HMCN1: variants seen among roughly 807,000 people sequenced by gnomAD.
HMCN1 encodes the protein hemicentin-1.
Under a neutral mutation model 625.9 loss-of-function variants are expected in HMCN1, and 321 were observed. That is an observed-to-expected ratio of 0.51 (90% CI 0.47 to 0.56). The LOEUF is 0.56. Ranked by LOEUF, HMCN1 falls within the 20% of genes least tolerant of loss-of-function variation. The pLI is 0.00. For missense variants in HMCN1, 6,588 were observed against 6,887.3 expected (o/e 0.96, Z 1.54); for synonymous variants, 2,425 against 2,417.6 (o/e 1.00, Z -0.09).
chr1:185,849,858 C>T (rs1662059011), intron 2 of HMCN1, among the ~76,000 whole-genome samples: 1 of 151,696 alleles, frequency 6.6e-6, no homozygotes, highest in Non-Finnish European at 1.5e-5. Flanking sequence ...TTTCCTTTCT[C>T]TTATACCACG....
At chr1:185,990,978 T>G (rs893467828) in intron 22 of HMCN1, among the ~76,000 whole-genome samples, 2 of 152,224 alleles carry the variant, frequency 1.3e-5, no homozygotes, top group Non-Finnish European at 2.9e-5. Context: ...TAAATTTCTC[T>G]CTTACACTTA....
chr1:185,876,758 C>CT (rs1397156580), intron 4 of HMCN1, among the ~76,000 whole-genome samples: 2 of 151,564 alleles, frequency 1.3e-5, no homozygotes, highest in African/African-American at 2.4e-5. Context: ...AATGTGCCCA[C>CT]TTTTTTTTCT....
At position 186,137,687 on chromosome 1, in the gene HMCN1, C is replaced by T; in HGVS notation, c.13753+19C>T. The T allele has an allele frequency of 6.2e-7, 1 of 1,614,018 alleles. No individual in the cohort carries two copies. The highest frequency in any genetic ancestry group is 8.5e-7 in the Non-Finnish European group (1 of 1,179,938). On this transcript the variant is annotated intron_variant, in intron 88 of 106. Coordinates refer to ENST00000271588, the MANE Select transcript of HMCN1 (RefSeq NM_031935.3). ...TGTCCAGGTACACCTCCTTATTTAA[C>T]TGATAGGCATGTGTTTAATAGACCT...
intron 97 of HMCN1, among the ~76,000 whole-genome samples, chr1:186,164,893 T>C (rs1449199089): frequency 6.6e-6 from 1 of 152,242 alleles, no homozygotes; most frequent in African/African-American, 2.4e-5. Flanking sequence ...CGAAACCTGT[T>C]TCCAGTGGCA....
intron 4 of HMCN1, among the ~76,000 whole-genome samples, chr1:185,898,568 G>A (rs1665625449): frequency 6.6e-6 from 1 of 152,044 alleles, no homozygotes; most frequent in Non-Finnish European, 1.5e-5. Flanking sequence ...GATGGTCAGG[G>A]TCTCAATGAA....
intron 81 of HMCN1, among the ~76,000 whole-genome samples, chr1:186,124,232 A>C (rs991855821): frequency 1.2e-4 from 18 of 152,226 alleles, no homozygotes; most frequent in African/African-American, 4.1e-4. Flanking sequence ...TTTGTAATGA[A>C]CTTTGAAAAC....
intron 1 of HMCN1, among the ~76,000 whole-genome samples, chr1:185,834,468 C>A (rs1661048127): frequency 6.6e-6 from 1 of 152,180 alleles, no homozygotes; most frequent in African/African-American, 2.4e-5. Context: ...TACATGTTGG[C>A]TGCCCTCAGT....
intron 11 of HMCN1, among the ~76,000 whole-genome samples, chr1:185,951,376 C>T (rs185921267): frequency 0.032 from 4,815 of 149,626 alleles, 140 homozygotes; most frequent in African/African-American, 0.11. Flanking sequence ...GAAGCCTGGC[C>T]GTCAATACCC....
At chr1:186,092,720 A>G (rs141200174) in intron 64 of HMCN1, among the ~76,000 whole-genome samples, 149 of 152,090 alleles carry the variant, frequency 9.8e-4, no homozygotes, top group African/African-American at 3.3e-3. Context: ...AAATGATCCT[A>G]TTGTGTTTTT....
chr1:186,087,419 CCTT>C (rs1288410684), intron 59 of HMCN1, 21 bp from the exon 60 acceptor site: 1 of 1,607,024 alleles, frequency 6.2e-7, no homozygotes, highest in Non-Finnish European at 8.5e-7. Context: ...AAAAGAAAAT[CCTT>C]CTGTTATTTT....
At chr1:185,911,941 T>A (rs1046505648) in intron 6 of HMCN1, among the ~76,000 whole-genome samples, 161 bp downstream of exon 6, 3 of 152,160 alleles carry the variant, frequency 2.0e-5, no homozygotes, top group Admixed American at 6.5e-5. Flanking sequence ...CTTGATCACA[T>A]GAATTTGGTA....
rs137919290 is a variant in HMCN1, at chr1:185,870,016, G to A, written c.621+4153G>A. On this transcript the variant is annotated intron_variant, in intron 4 of 106. Transcript: ENST00000271588. ...TGAGTTAAAGTGAAGTTTTTACTGCGTTCTGTTTTTTTTTTTTTTTAAAAA... is the reference window on the plus strand; with the variant it reads ...TGAGTTAAAGTGAAGTTTTTACTGCATTCTGTTTTTTTTTTTTTTTAAAAA... Among the ~76,000 whole-genome samples the A allele has an allele frequency of 3.9e-3, 568 of 145,156 alleles. 2 individuals are homozygous for A. Among genetic ancestry groups the A allele is most frequent in the African/African-American group, 0.014 (544 of 39,256 alleles).
chr1:186,100,552 C>T (rs1660338895), intron 68 of HMCN1, among the ~76,000 whole-genome samples: 1 of 152,050 alleles, frequency 6.6e-6, no homozygotes, highest in Admixed American at 6.6e-5. Flanking sequence ...GCTTTTTATC[C>T]TGTAACAATG....
Position 186,074,821 on chromosome 1 carries a change from C to G in HMCN1, c.8220C>G (p.Thr2740=), listed in dbSNP as rs562987367. 3 of 1,612,102 alleles carry G rather than the reference C, an allele frequency of 1.9e-6. No homozygotes were observed. The highest frequency in any genetic ancestry group is 2.7e-5 in the African/African-American group (2 of 74,776). ...LQIKEAQISD[T]GRYTCVASNI... is the part of the protein sequence containing the mutation. ...TAAAGGAGGCTCAAATATCAGACAC[C>G]GGACGATATACTTGTGTAGCATCTA... The change falls in exon 53 of 107, where the codon ACC becomes ACG. Residue 2740 remains threonine (T), a synonymous_variant. Coordinates refer to ENST00000271588, the MANE Select transcript of HMCN1 (RefSeq NM_031935.3).
chr1:185,840,617 A>G (rs1333145449), intron 1 of HMCN1, among the ~76,000 whole-genome samples: 3 of 152,248 alleles, frequency 2.0e-5, no homozygotes, highest in East Asian at 3.9e-4. Context: ...TACTGTCTTC[A>G]TGTATCTGTA....
intron 1 of HMCN1, among the ~76,000 whole-genome samples, chr1:185,809,154 G>A (rs973805297): frequency 2.0e-5 from 3 of 152,056 alleles, no homozygotes; most frequent in Admixed American, 1.3e-4. Context: ...ACGAGAAAGA[G>A]GCCAAGTATT....
In HMCN1 at chr1:186,093,235, G is replaced by T. The variant is rs780529619; in HGVS notation, c.9989G>T (p.Arg3330Leu). The change falls in exon 65 of 107, where the codon CGA becomes CTA. Residue 3330 changes from arginine (R) to leucine (L), a missense_variant. By Grantham distance (102) the Arg-to-Leu change is moderately radical. Around this residue, in one of 3 missense-constraint regions of HMCN1, gnomAD observed 4,628 missense variants for 4,853.1 expected, o/e 0.95. Coordinates refer to ENST00000271588, the MANE Select transcript of HMCN1 (RefSeq NM_031935.3). ...ACTAATCCCGCTGGAGAAGAAGACC[G>T]AATTTTTAACTTGAATGTCTATGGT... The part of the protein sequence containing the change: ...VATNPAGEED[R>L]IFNLNVYVTP... The T allele has an allele frequency of 6.2e-7, 1 of 1,613,176 alleles. No homozygotes were observed. Among genetic ancestry groups the T allele is most frequent in the African/African-American group, 1.3e-5 (1 of 74,864 alleles).
intron 18 of HMCN1, among the ~76,000 whole-genome samples, chr1:185,983,826 C>G (rs74134258): frequency 0.031 from 4,653 of 152,204 alleles, 247 homozygotes; most frequent in African/African-American, 0.11. Flanking sequence ...GAAAAGAACA[C>G]TTTAAGCCAA....
intron 18 of HMCN1, 47 bp downstream of exon 18, chr1:185,982,436 C>A: frequency 1.5e-5 from 21 of 1,426,886 alleles, no homozygotes; most frequent in Admixed American, 2.0e-5. Context: ...TGTGAGTTTT[C>A]TTTTCTTTTT....
Sources: allele counts gnomAD v4.1 joint callset (sites outside exome capture counted in the v4.1 genomes callset), GRCh38; gene constraint gnomAD v4.1.1; regional missense constraint gnomAD v4.1.1; transcripts MANE v1.5; gene names NCBI Gene and HGNC (gene_info 2026-07-23, HGNC 2026-07-21).